Variants in ZC3H4 observed in about 807,000 individuals in gnomAD.
The protein encoded by ZC3H4 is zinc finger CCCH domain-containing protein 4.
In ZC3H4, 13 loss-of-function variants were observed where a neutral mutation model predicts 108.3. That is an observed-to-expected ratio of 0.12 (90% CI 0.08 to 0.19). The LOEUF (loss-of-function observed/expected upper bound fraction) is 0.19, where lower values mean the gene tolerates loss of function less well. Ranked by LOEUF, ZC3H4 falls within the 10% of genes least tolerant of loss-of-function variation. ZC3H4 has a pLI of 1.00. For missense variants in ZC3H4, 1,734 were observed against 1,838.8 expected, an observed-to-expected ratio of 0.94 and a Z score of 1.04; for synonymous variants, 917 against 749.6, an observed-to-expected ratio of 1.22 and a Z score of -3.65.
chr19:47,084,586 G>T, intron 8 of ZC3H4, 131 bp from the exon 9 acceptor site: 1 of 846,124 alleles, frequency 1.2e-6, no homozygotes, highest in Non-Finnish European at 1.9e-6. Flanking sequence ...CGATGGGCAG[G>T]CTGCATCTAA....
chr19:47,094,789 G>A (rs950470010), intron 2 of ZC3H4, among the ~76,000 whole-genome samples, 181 bp from the exon 3 acceptor site: 9 of 152,314 alleles, frequency 5.9e-5, no homozygotes, highest in Admixed American at 5.9e-4. Flanking sequence ...TGAAAGAACT[G>A]TGCTTGCTCC....
rs770688381 is a variant in ZC3H4 at position 47,084,445 on chromosome 19, C to T, written c.1118G>A (p.Gly373Asp). 12 of 1,614,204 alleles carry T rather than the reference C, an allele frequency of 7.4e-6. No individual in the cohort carries two copies. Among genetic ancestry groups the T allele is most frequent in the Non-Finnish European group, 8.5e-6 (10 of 1,180,030 alleles). ...FYDEDMGDGG[G>D]GSYRSRDHDK... Reference sequence around the variant, plus strand: ...ATGGTCACGACTCCGGTAGCTTCCACCACCACCGTCCTGCAATGGACAGGG... The same window carrying T: ...ATGGTCACGACTCCGGTAGCTTCCATCACCACCGTCCTGCAATGGACAGGG... The change falls in exon 9 of 15, where the codon GGT (glycine) becomes GAT (aspartate). Residue 373 changes from glycine (G) to aspartate (D), a missense_variant. Physicochemically the swap from Gly to Asp is moderately conservative, Grantham distance 94. Transcript: ENST00000253048.
In ZC3H4 at chr19:47,072,430, A is replaced by G; in HGVS notation, c.1724T>C (p.Met575Thr). 1 of 1,610,182 alleles carries G rather than the reference A, an allele frequency of 6.2e-7. No homozygotes were observed. Among genetic ancestry groups the G allele is most frequent in the Non-Finnish European group, 8.5e-7 (1 of 1,178,658 alleles). ...LSPQQLQQQDMYNKKIPSLFE... is the reference protein window; with the variant it reads ...LSPQQLQQQDTYNKKIPSLFE... ...CAAGGAGGGGATCTTCTTGTTGTAC[A>G]TGTCCTGCTGCTGCAGCTGCTGCGG... The change falls in exon 12 of 15, where the codon ATG becomes ACG. Residue 575 changes from methionine (M) to threonine (T), a missense_variant. Around this residue, in one of 9 missense-constraint regions of ZC3H4, gnomAD observed 75 missense variants for 85.8 expected, o/e 0.87. Coordinates refer to ENST00000253048, the MANE Select transcript of ZC3H4 (RefSeq NM_015168.2). The surrounding 1 kb of genome is among the most constrained non-coding windows in gnomAD (Gnocchi z 5.6).
At position 47,072,418 on chromosome 19, in the gene ZC3H4, T is replaced by C; in HGVS notation, c.1736A>G (p.Lys579Arg). The C allele has an allele frequency of 6.2e-7, 1 of 1,613,030 alleles. No individual in the cohort carries two copies. Among genetic ancestry groups the C allele is most frequent in the Middle Eastern group, 1.7e-4 (1 of 5,964 alleles). The part of the protein sequence containing the change: ...QLQQQDMYNK[K>R]IPSLFEIVVR... Reference sequence around the variant, plus strand: ...CACGATCTCAAACAAGGAGGGGATCTTCTTGTTGTACATGTCCTGCTGCTG... The same window carrying C: ...CACGATCTCAAACAAGGAGGGGATCCTCTTGTTGTACATGTCCTGCTGCTG... The change falls in exon 12 of 15, where the codon AAG becomes AGG. Residue 579 changes from lysine to arginine, a missense_variant. Coordinates refer to ENST00000253048, the MANE Select transcript of ZC3H4 (RefSeq NM_015168.2). The surrounding 1 kb of genome is among the most constrained non-coding windows in gnomAD (Gnocchi z 5.6).
At chr19:47,094,157 T>C (rs2057783987) in intron 3 of ZC3H4, 77 bp from the exon 4 acceptor site, 3 of 1,427,534 alleles carry the variant, frequency 2.1e-6, no homozygotes, top group Admixed American at 3.5e-5. Context: ...CAGGACAAAC[T>C]ATGCTGGCAT....
chr19:47,084,942 T>G, intron 8 of ZC3H4, 114 bp downstream of exon 8: 1 of 1,418,722 alleles, frequency 7.0e-7, no homozygotes, highest in Non-Finnish European at 9.7e-7. Flanking sequence ...GGCCAGCCCT[T>G]TGGGGGGTGG....
chr19:47,109,641 G>T, intron 2 of ZC3H4, among the ~76,000 whole-genome samples: 1 of 152,068 alleles, frequency 6.6e-6, no homozygotes, highest in East Asian at 1.9e-4. Context: ...TACATACCTA[G>T]GATCACCACT....
At position 47,112,570 on chromosome 19, in the gene ZC3H4, G is replaced by C. The variant is rs898918079; in HGVS notation, c.15C>G (p.Pro5=). The C allele has an allele frequency of 2.6e-6, 3 of 1,139,696 alleles. No homozygotes were observed. The highest frequency in any genetic ancestry group is 3.2e-4 in the Middle Eastern group (1 of 3,094). 70.6% of individuals were successfully genotyped at this position (1,139,696 alleles called of 1,614,324 possible). A position where few individuals can be genotyped will look rare whatever the true frequency, so the allele number is the denominator to read the frequency against. MEAA[P]GTPPPPPSES... ...CTGATGGCGGCGGCGGGGGGGTCCCGGGCGCGGCCTCCATAGTTCCTTTGG... is the reference window on the plus strand; with the variant it reads ...CTGATGGCGGCGGCGGGGGGGTCCCCGGCGCGGCCTCCATAGTTCCTTTGG... The change falls in exon 2 of 15, where the codon CCC becomes CCG. Residue 5 remains proline, a synonymous_variant. Transcript: ENST00000253048.
rs1600076115 is a variant in ZC3H4 at position 47,090,191 on chromosome 19, T to G, written c.493-2A>C. ...CGATGGGGGGTACTGCTGGTGGGAC[T>G]GCGTCCCAGAGATGGGGAAAAGAGG... is the stretch of plus-strand genomic sequence containing the variant. On this transcript the variant is annotated splice_acceptor_variant, in intron 4 of 14. Coordinates refer to ENST00000253048, the MANE Select transcript of ZC3H4 (RefSeq NM_015168.2). LOFTEE classifies it high-confidence loss of function. 1 of 1,614,084 alleles carries G rather than the reference T, an allele frequency of 6.2e-7. No individual in the cohort carries two copies. Among genetic ancestry groups the G allele is most frequent in the Non-Finnish European group, 8.5e-7 (1 of 1,179,942 alleles).
At chr19:47,099,206 T>C (rs965568477) in intron 2 of ZC3H4, among the ~76,000 whole-genome samples, 1 of 152,082 alleles carries the variant, frequency 6.6e-6, no homozygotes, top group Non-Finnish European at 1.5e-5. Context: ...ACGTCTGTAA[T>C]CCCAGCACTT....
In ZC3H4 at chr19:47,081,541, G is replaced by C; in HGVS notation, c.1412C>G (p.Thr471Ser). 6.2e-7 allele frequency: 1 copy of C among 1,614,238 alleles called. No homozygotes were observed. Among genetic ancestry groups the C allele is most frequent in the Non-Finnish European group, 8.5e-7 (1 of 1,180,036 alleles). Residue 471 changes from threonine (T) to serine (S), a missense_variant, in exon 11 of 15, where the codon ACC (threonine) becomes AGC (serine). Transcript: ENST00000253048. ...DDCMFSHDPL[T>S]EETRELLDKM... ...ATCCAAGAGCTCCCTCGTCTCTTCGGTCAGAGGGTCGTGGGAAAACATGCA... is the reference window on the plus strand; with the variant it reads ...ATCCAAGAGCTCCCTCGTCTCTTCGCTCAGAGGGTCGTGGGAAAACATGCA...
intron 4 of ZC3H4, 91 bp from the exon 5 acceptor site, chr19:47,090,280 T>C (rs1361028437): frequency 3.6e-6 from 5 of 1,403,856 alleles, no homozygotes; most frequent in Non-Finnish European, 4.9e-6. Flanking sequence ...TAAACGAACA[T>C]GTCTGTCTGG....
chr19:47,113,085 G>A (rs1011270275), intron 1 of ZC3H4, among the ~76,000 whole-genome samples: 1 of 152,232 alleles, frequency 6.6e-6, no homozygotes, highest in Non-Finnish European at 1.5e-5. Flanking sequence ...CGGCTGCCCG[G>A]CCCCCGCCGC....
At chr19:47,079,607 C>G (rs1222125524) in intron 11 of ZC3H4, among the ~76,000 whole-genome samples, 1 of 152,080 alleles carries the variant, frequency 6.6e-6, no homozygotes, top group Non-Finnish European at 1.5e-5. Flanking sequence ...ATTACATAAC[C>G]CTGGGGCATG....
intron 2 of ZC3H4, among the ~76,000 whole-genome samples, chr19:47,108,057 C>T (rs767521028): frequency 7.2e-5 from 11 of 152,150 alleles, no homozygotes; most frequent in East Asian, 5.8e-4. Flanking sequence ...CCATGTTATT[C>T]GGAGAGGAGT....
In ZC3H4 at chr19:47,090,166, C is replaced by T. The variant is rs759737328; in HGVS notation, c.516G>A (p.Ser172=). 31 of 1,614,026 alleles carry T rather than the reference C, an allele frequency of 1.9e-5. No individual in the cohort carries two copies. The highest frequency in any genetic ancestry group is 5.3e-5 in the African/African-American group (4 of 74,906). Residue 172 remains serine (S), a synonymous_variant, in exon 5 of 15, where the codon TCG becomes TCA. Coordinates refer to ENST00000253048, the MANE Select transcript of ZC3H4 (RefSeq NM_015168.2). ...YAPSHQQYPP[S]HATPLPKKAY... is the part of the protein sequence containing the mutation. ...CCTTCTTGGGCAGGGGCGTGGCATGCGATGGGGGGTACTGCTGGTGGGACT... is the reference window on the plus strand; with the variant it reads ...CCTTCTTGGGCAGGGGCGTGGCATGTGATGGGGGGTACTGCTGGTGGGACT...
At position 47,067,207 on chromosome 19, in the gene ZC3H4, G is replaced by A. The variant is rs2057227066; in HGVS notation, c.3061C>T (p.Pro1021Ser). The change falls in exon 15 of 15, where the codon CCC (proline) becomes TCC (serine). Residue 1021 changes from proline to serine, a missense_variant. By Grantham distance (74) the Pro-to-Ser change is moderately conservative. Transcript: ENST00000253048. The surrounding 1 kb of genome is among the most constrained non-coding windows in gnomAD (Gnocchi z 6.4). ...RLHRAATAGP[P>S]NARQRPGAST... ...GCGCCCGGGCGCTGCCGGGCGTTGGGGGGCCCTGCCGTGGCAGCGCGGTGC... is the reference window on the plus strand; with the variant it reads ...GCGCCCGGGCGCTGCCGGGCGTTGGAGGGCCCTGCCGTGGCAGCGCGGTGC... 2 of 1,610,220 alleles carry A rather than the reference G, an allele frequency of 1.2e-6. No homozygotes were observed. The highest frequency in any genetic ancestry group is 1.7e-5 in the Admixed American group (1 of 59,546).
chr19:47,089,932 T>C (rs767232603), intron 5 of ZC3H4, 35 bp downstream of exon 5: 1 of 1,611,636 alleles, frequency 6.2e-7, no homozygotes. Flanking sequence ...GTGGCTCCGA[T>C]GCCCCAGAGG....
At chr19:47,089,867 C>T (rs1322691032) in intron 5 of ZC3H4, 100 bp downstream of exon 5, 1 of 1,253,576 alleles carries the variant, frequency 8.0e-7, no homozygotes, top group Non-Finnish European at 1.1e-6. Context: ...CTTATCCCAA[C>T]CCTAAGTGAC....
Sources: gnomAD v4.1 joint callset for allele counts (sites outside exome capture counted in the v4.1 genomes callset) on GRCh38, gnomAD v4.1.1 for gene constraint, gnomAD v4.1.1 regional missense constraint, Gnocchi (gnomAD v3.1) non-coding constraint, MANE v1.5 for transcripts, NCBI Gene and HGNC (gene_info 2026-07-23, HGNC 2026-07-21) for gene names.